Variants in ZNF518A observed in about 807,000 individuals in gnomAD.
ZNF518A encodes the protein zinc finger protein 518.
ZNF518A carries 47 observed loss-of-function variants against 102.7 expected under a neutral mutation model. The observed-to-expected ratio is 0.46, with a 90% CI of 0.36 to 0.58. The LOEUF (loss-of-function observed/expected upper bound fraction) is 0.58. ZNF518A is among the 20% of genes least tolerant of loss of function. The pLI, the probability that ZNF518A is intolerant of heterozygous loss-of-function variation, is 0.00. For missense variants in ZNF518A, 1,793 were observed against 1,699.8 expected (o/e 1.05, Z -0.96); for synonymous variants, 652 against 594.6 (o/e 1.10, Z -1.40).
intron 3 of ZNF518A, among the ~76,000 whole-genome samples, chr10:96,149,982 A>G (rs116520446): frequency 1.5e-3 from 234 of 152,064 alleles, no homozygotes; most frequent in African/African-American, 5.5e-3. Flanking sequence ...TATAAATGTT[A>G]CTCCATTGTC....
In ZNF518A at chr10:96,163,702, A is replaced by G. The variant is rs2083083437; in HGVS notation, c.*2928A>G. 6.0e-6 allele frequency: 1 copy of G among 167,082 alleles called. No homozygotes were observed. The highest frequency in any genetic ancestry group is 6.5e-5 in the Admixed American group (1 of 15,278). The allele number at this position is 167,082 out of a possible 1,614,324, so 10.3% of individuals were successfully genotyped here. On this transcript the variant is annotated 3_prime_UTR_variant, in exon 6 of 6. Coordinates refer to ENST00000316045, the MANE Select transcript of ZNF518A (RefSeq NM_001330736.2). ...AATTCTCATAATGCAGAAAAAAACC[A>G]TAGACAATATGTAAATGAATTAGTG...
intron 1 of ZNF518A, among the ~76,000 whole-genome samples, chr10:96,203,096 G>A (rs181218145): frequency 6.6e-6 from 1 of 152,246 alleles, no homozygotes; most frequent in East Asian, 1.9e-4. Flanking sequence ...AGTTTCATGA[G>A]GACAGGGTCT....
intron 1 of ZNF518A, among the ~76,000 whole-genome samples, chr10:96,194,575 A>G (rs2083411139): frequency 6.6e-6 from 1 of 152,162 alleles, no homozygotes; most frequent in African/African-American, 2.4e-5. Context: ...TGGAGTGGGA[A>G]AAATATTTGC....
At chr10:96,132,780 A>T (rs1413564013) in intron 2 of ZNF518A, 110 bp downstream of exon 2, 1 of 152,122 alleles carries the variant, frequency 6.6e-6, no homozygotes, top group East Asian at 1.9e-4. Flanking sequence ...CCCAAATCCA[A>T]AAATCCAGAA....
chr10:96,197,006 G>A (rs1554894853), intron 1 of ZNF518A: 1 of 1,611,638 alleles, frequency 6.2e-7, no homozygotes, highest in Admixed American at 1.7e-5. Flanking sequence ...AATACAACTA[G>A]TGTATATGGT....
In ZNF518A at chr10:96,158,656, T is replaced by C. The variant is rs781846163; in HGVS notation, c.2334T>C (p.Phe778=). The C allele has an allele frequency of 1.9e-6, 3 of 1,613,370 alleles. No individual in the cohort carries two copies. Among genetic ancestry groups the C allele is most frequent in the Non-Finnish European group, 2.5e-6 (3 of 1,179,630 alleles). The change falls in exon 6 of 6, where the codon TTT becomes TTC. Residue 778 remains phenylalanine (F), a synonymous_variant. Coordinates refer to ENST00000316045, the MANE Select transcript of ZNF518A (RefSeq NM_001330736.2). The part of the protein sequence containing the change: ...FSLQSQQASE[F]LPPEVNQLLQ... ...TCCAGAGCCAACAGGCATCAGAATT[T>C]CTGCCACCTGAAGTAAACCAATTGC...
At chr10:96,199,448 A>C (rs1554895499) in intron 1 of ZNF518A, 1 of 454,726 alleles carries the variant, frequency 2.2e-6, no homozygotes, top group South Asian at 1.6e-5. Flanking sequence ...TCCTCAGTGG[A>C]GCTCATGCAG....
At chr10:96,187,447 C>CGCT (rs1342172564) in intron 1 of ZNF518A, among the ~76,000 whole-genome samples, 2 of 152,156 alleles carry the variant, frequency 1.3e-5, no homozygotes, top group Admixed American at 1.3e-4. Context: ...TGCCTCACAT[C>CGCT]GCTGAATTCT....
rs1554885423 is a variant in ZNF518A at position 96,159,072 on chromosome 10, T to C, written c.2750T>C (p.Met917Thr). The C allele has an allele frequency of 1.9e-6, 3 of 1,613,386 alleles. No homozygotes were observed. The highest frequency in any genetic ancestry group is 2.5e-6 in the Non-Finnish European group (3 of 1,179,686). ...ACACAAAATTTAGGTTCTTTTTATA[T>C]GCAGAGTCCACTTTTAAATTCAGAA... ...ATTQNLGSFY[M>T]QSPLLNSEQK... is the part of the protein sequence containing the mutation. The change falls in exon 6 of 6, where the codon ATG becomes ACG. Residue 917 changes from methionine to threonine, a missense_variant. Physicochemically the swap from Met to Thr is moderately conservative, Grantham distance 81. This residue lies in a region of ZNF518A where 1,741 missense variants were observed against 1,622.6 expected (regional missense o/e 1.07). Coordinates refer to ENST00000316045, the MANE Select transcript of ZNF518A (RefSeq NM_001330736.2).
Position 96,159,098 on chromosome 10 carries a change from CAAA to C in ZNF518A, c.2783_2785del (p.Lys928del), listed in dbSNP as rs781933025. On this transcript the variant is annotated inframe_deletion, in exon 6 of 6. Coordinates refer to ENST00000316045, the MANE Select transcript of ZNF518A (RefSeq NM_001330736.2). ...GCAGAGTCCACTTTTAAATTCAGAA[CAAA>C]AAAAAACTATAATTGTTCAGACTTC... 2.1e-5 allele frequency: 33 copies of C among 1,600,922 alleles called. No homozygotes were observed. The highest frequency in any genetic ancestry group is 2.7e-5 in the Non-Finnish European group (32 of 1,174,768).
intron 3 of ZNF518A, among the ~76,000 whole-genome samples, chr10:96,148,533 G>T (rs2082276452): frequency 6.4e-5 from 1 of 15,506 alleles, no homozygotes; most frequent in Non-Finnish European, 1.1e-4. Flanking sequence ...ACTAATATTA[G>T]AGGGTTTTCT....
At chr10:96,204,970 TACTTGCCATGTGGCCTCC>T (rs1433609062), downstream of ZNF518A, 18 of 317,166 alleles carry the variant, frequency 5.7e-5, no homozygotes, top group Non-Finnish European at 8.1e-5. Context: ...ACTCACCCTC[TACTTGCCATGTGGCCTCC>T]ACACAGGTGG....
chr10:96,137,059 C>T (rs1343866464), intron 3 of ZNF518A, among the ~76,000 whole-genome samples: 2 of 152,236 alleles, frequency 1.3e-5, no homozygotes, highest in African/African-American at 2.4e-5. Flanking sequence ...CCAGATTTGG[C>T]CTGCAGGCCG....
intron 1 of ZNF518A, among the ~76,000 whole-genome samples, chr10:96,194,348 T>C (rs60064761): frequency 0.072 from 10,925 of 152,240 alleles, 768 homozygotes; most frequent in African/African-American, 0.18. Flanking sequence ...ATTTTAAAAT[T>C]ATCTGAGACT....
intron 3 of ZNF518A, among the ~76,000 whole-genome samples, chr10:96,147,226 G>T (rs1554878809): frequency 6.6e-6 from 1 of 152,216 alleles, no homozygotes; most frequent in Non-Finnish European, 1.5e-5. Context: ...CTTACCTGGG[G>T]ATTCTGTCCA....
chr10:96,156,756 G>A lies in ZNF518A; in HGVS notation c.434G>A (p.Gly145Asp), dbSNP rs782674569. 6.2e-7 allele frequency: 1 copy of A among 1,613,906 alleles called. No homozygotes were observed. Among genetic ancestry groups the A allele is most frequent in the Non-Finnish European group, 8.5e-7 (1 of 1,179,814 alleles). Residue 145 changes from glycine to aspartate, a missense_variant, in exon 6 of 6, where the codon GGC becomes GAC. Around this residue, in one of 3 missense-constraint regions of ZNF518A, gnomAD observed 1,741 missense variants for 1,622.6 expected, o/e 1.07. Coordinates refer to ENST00000316045, the MANE Select transcript of ZNF518A (RefSeq NM_001330736.2). ...LQKHFQMWHH[G>D]ELPSYPCEMC... ...AAACACTTTCAAATGTGGCACCATG[G>A]CGAATTACCTTCATATCCTTGTGAA...
In ZNF518A at chr10:96,159,322, T is replaced by C; in HGVS notation, c.3000T>C (p.Ala1000=). Residue 1000 remains alanine (A), a synonymous_variant, in exon 6 of 6, where the codon GCT becomes GCC. Coordinates refer to ENST00000316045, the MANE Select transcript of ZNF518A (RefSeq NM_001330736.2). ...VSAVKTEGAP[A]RGTVTKEPCK... ...CTGTCAAAACCGAGGGTGCCCCAGC[T>C]CGTGGAACTGTGACTAAGGAGCCTT... 1.9e-6 allele frequency: 3 copies of C among 1,613,636 alleles called. No individual in the cohort carries two copies. Among genetic ancestry groups the C allele is most frequent in the Non-Finnish European group, 2.5e-6 (3 of 1,179,708 alleles).
At chr10:96,152,121 G>T (rs2082477841) in intron 3 of ZNF518A, among the ~76,000 whole-genome samples, 1 of 152,184 alleles carries the variant, frequency 6.6e-6, no homozygotes, top group South Asian at 2.1e-4. Flanking sequence ...ACACCAGCCT[G>T]GGCGACATGG....
intron 1 of ZNF518A, chr10:96,191,884 C>T: frequency 1.3e-6 from 2 of 1,540,742 alleles, no homozygotes; most frequent in Non-Finnish European, 1.8e-6. Flanking sequence ...GATTCATAAT[C>T]CAAAATATGA....
Sources: gnomAD v4.1 joint callset for allele counts (sites outside exome capture counted in the v4.1 genomes callset) on GRCh38, gnomAD v4.1.1 for gene constraint, gnomAD v4.1.1 regional missense constraint, MANE v1.5 for transcripts, NCBI Gene and HGNC (gene_info 2026-07-23, HGNC 2026-07-21) for gene names.